The following DDOST variants were observed in gnomAD, a reference collection of about 807,000 sequenced individuals.
DDOST encodes the protein dolichyl-diphosphooligosaccharide--protein glycosyltransferase 48 kDa subunit.
Under a neutral mutation model 47.6 loss-of-function variants are expected in DDOST, and 25 were observed. The ratio of observed to expected loss-of-function variants is 0.53; its 90% confidence interval spans 0.38 to 0.73. DDOST has a LOEUF of 0.73. Ranked by LOEUF, DDOST falls within the 30% of genes least tolerant of loss-of-function variation. The pLI, the probability that DDOST is intolerant of heterozygous loss-of-function variation, is 0.00. For synonymous variants in DDOST, 275 were observed against 236.0 expected, an observed-to-expected ratio of 1.17 and a Z score of -1.51; for missense variants, 526 against 573.9, an observed-to-expected ratio of 0.92 and a Z score of 0.85.
intron 2 of DDOST, 94 bp from the exon 3 acceptor site, chr1:20,656,281 C>G (rs1393498501): frequency 3.2e-6 from 3 of 937,446 alleles, no homozygotes; most frequent in Non-Finnish European, 5.2e-6. Context: ...AGAGCAGCCA[C>G]GATCACTCAC....
At chr1:20,657,238 C>A (rs147954189) in intron 2 of DDOST, among the ~76,000 whole-genome samples, 25 of 152,314 alleles carry the variant, frequency 1.6e-4, no homozygotes, top group Non-Finnish European at 3.4e-4. Flanking sequence ...GGAGGTAAGG[C>A]CGGGTGAAGT....
chr1:20,659,479 T>C (rs567182916), intron 2 of DDOST, among the ~76,000 whole-genome samples: 12 of 152,248 alleles, frequency 7.9e-5, no homozygotes, highest in African/African-American at 2.9e-4. Flanking sequence ...AAAAAACTCC[T>C]CCAGGGCAGA....
rs776007343 is a variant in DDOST, at chr1:20,653,693, C to T, written c.876G>A (p.Gly292=). 6.2e-7 allele frequency: 1 copy of T among 1,614,040 alleles called. No homozygotes were observed. The highest frequency in any genetic ancestry group is 8.5e-7 in the Non-Finnish European group (1 of 1,179,932). Residue 292 remains glycine, a synonymous_variant, in exon 8 of 11, where the codon GGG becomes GGA. Coordinates refer to ENST00000602624, the MANE Select transcript of DDOST (RefSeq NM_005216.5). ...CGCCCACCCGATGATGGGACACAGG[C>T]CCCACACGGAGGACACCCTCCTCCT... ...VFKEEGVLRV[G]PVSHHRVGET... is the part of the protein sequence containing the mutation.
At position 20,661,328 on chromosome 1, in the gene DDOST, C is replaced by T. The variant is rs1462264880; in HGVS notation, c.23G>A (p.Arg8Gln). ...CAGCAACCAAAAGAGGGCCCAAGCCCGGGCCGCGGTGCTGGGCTCCATCTT... is the reference window on the plus strand; with the variant it reads ...CAGCAACCAAAAGAGGGCCCAAGCCTGGGCCGCGGTGCTGGGCTCCATCTT... MEPSTAA[R>Q]AWALFWLLLP... is the part of the protein sequence containing the mutation. The change falls in exon 1 of 11, where the codon CGG becomes CAG. Residue 8 changes from arginine to glutamine, a missense_variant. By Grantham distance (43) the Arg-to-Gln change is conservative (BLOSUM62 1). Coordinates refer to ENST00000602624, the MANE Select transcript of DDOST (RefSeq NM_005216.5). 6.2e-7 allele frequency: 1 copy of T among 1,613,432 alleles called. No individual in the cohort carries two copies. Among genetic ancestry groups the T allele is most frequent in the African/African-American group, 1.3e-5 (1 of 74,954 alleles).
chr1:20,653,983 A>C (rs2053332384), intron 7 of DDOST, among the ~76,000 whole-genome samples: 1 of 152,202 alleles, frequency 6.6e-6, no homozygotes, highest in Admixed American at 6.5e-5. Flanking sequence ...ACAAATACAC[A>C]AATTTCTAAA....
rs1216666868 is a variant in DDOST at position 20,652,743 on chromosome 1, C to T, written c.1064-16G>A. 9 of 1,613,956 alleles carry T rather than the reference C, an allele frequency of 5.6e-6. No individual in the cohort carries two copies. The highest frequency in any genetic ancestry group is 6.8e-6 in the Non-Finnish European group (8 of 1,179,914). The stretch of plus-strand genomic sequence containing the variant: ...TATTTGCCACCTGCGGAAGAACCAA[C>T]AAGAATAACCGGGAGGGGTTTCCCA... On this transcript the variant is annotated splice_polypyrimidine_tract_variant and intron_variant, in intron 9 of 10. Coordinates refer to ENST00000602624, the MANE Select transcript of DDOST (RefSeq NM_005216.5).
rs1426279243 is a variant in DDOST, at chr1:20,661,001, A to G, written c.155-10T>C. The G allele has an allele frequency of 6.3e-7, 1 of 1,599,504 alleles. No individual in the cohort carries two copies. Among genetic ancestry groups the G allele is most frequent in the African/African-American group, 1.3e-5 (1 of 74,584 alleles). ...AGCTCAAAGCCCCGGTCTGGACAAG[A>G]AAAAACAGGTAGTTGAGGAAGACGG... On this transcript the variant is annotated splice_polypyrimidine_tract_variant and intron_variant, in intron 1 of 10. Coordinates refer to ENST00000602624, the MANE Select transcript of DDOST (RefSeq NM_005216.5).
intron 2 of DDOST, among the ~76,000 whole-genome samples, chr1:20,658,082 T>A (rs2053394914): frequency 6.6e-6 from 1 of 152,196 alleles, no homozygotes; most frequent in Non-Finnish European, 1.5e-5. Context: ...GTTGAGAAAC[T>A]CTTGTAAAGC....
At chr1:20,653,585 T>C (rs2053324112) in intron 8 of DDOST, 42 bp downstream of exon 8, 1 of 1,533,610 alleles carries the variant, frequency 6.5e-7, no homozygotes, top group Admixed American at 2.0e-5. Context: ...CTCAGTCAGC[T>C]TGGCAAACCC....
Position 20,652,429 on chromosome 1 carries a change from T to A in DDOST, c.1270A>T (p.Ile424Phe). 1 of 1,613,894 alleles carries A rather than the reference T, an allele frequency of 6.2e-7. No individual in the cohort carries two copies. Among genetic ancestry groups the A allele is most frequent in the Non-Finnish European group, 8.5e-7 (1 of 1,179,970 alleles). The change falls in exon 11 of 11, where the codon ATC becomes TTC. Residue 424 changes from isoleucine to phenylalanine, a missense_variant. Physicochemically the swap from Ile to Phe is conservative, Grantham distance 21 (BLOSUM62 0). Transcript: ENST00000602624. ...ATGTGCAAGAAGACGATGCTGAAGATGAAGAGCCCCAGCATCATGGAGAAG... is the reference window on the plus strand; with the variant it reads ...ATGTGCAAGAAGACGATGCTGAAGAAGAAGAGCCCCAGCATCATGGAGAAG... Reference protein sequence around the residue: ...SAFSMMLGLFIFSIVFLHMKE... With the variant: ...SAFSMMLGLFFFSIVFLHMKE...
chr1:20,654,138 GCC>G (rs2053335075), intron 7 of DDOST, 83 bp downstream of exon 7: 7 of 1,455,902 alleles, frequency 4.8e-6, no homozygotes, highest in Non-Finnish European at 6.5e-6. Context: ...TTAGCTAAAA[GCC>G]TCCTTCTTCC....
rs556476999 is a variant in DDOST, at chr1:20,656,550, C to CGTGA, written c.266-364_266-363insTCAC. On this transcript the variant is annotated intron_variant, in intron 2 of 10. Transcript: ENST00000602624. ...TTCATCTCATCACCTGCACCTTTCACGCTAGTGATGCTGATCACTGGAGCC... is the reference window on the plus strand; with the variant it reads ...TTCATCTCATCACCTGCACCTTTCACGTGAGCTAGTGATGCTGATCACTGGAGCC... Among the ~76,000 whole-genome samples, 37 of 152,344 alleles carry CGTGA rather than the reference C, an allele frequency of 2.4e-4. No individual in the cohort carries two copies. The East Asian group carries it at 6.7e-3, about 28-fold the overall frequency.
intron 2 of DDOST, among the ~76,000 whole-genome samples, chr1:20,659,213 T>C (rs1192527161): frequency 6.6e-6 from 1 of 152,034 alleles, no homozygotes; most frequent in Non-Finnish European, 1.5e-5. Flanking sequence ...TAGGTAGTTA[T>C]TAGCACAGGA....
intron 4 of DDOST, 62 bp from the exon 5 acceptor site, chr1:20,655,596 T>A (rs1001022882): frequency 1.6e-5 from 26 of 1,591,614 alleles, no homozygotes; most frequent in Non-Finnish European, 2.2e-5. Flanking sequence ...AGGGAGAACC[T>A]CCTCACACCC....
At chr1:20,652,598 CAG>C (rs1370766958) in intron 10 of DDOST, 21 bp downstream of exon 10, 17 of 1,614,014 alleles carry the variant, frequency 1.1e-5, no homozygotes, top group Non-Finnish European at 1.4e-5. Flanking sequence ...TAGCTGAAAA[CAG>C]AAGCTGTCAC....
chr1:20,655,973 AACGGTTCCCTC>A (rs1190247483), intron 3 of DDOST, 117 bp downstream of exon 3: 2 of 882,654 alleles, frequency 2.3e-6, no homozygotes, highest in African/African-American at 3.3e-5. Flanking sequence ...GAACTGAGAA[AACGGTTCCCTC>A]ACTGACTCCC....
chr1:20,654,389 C>G lies in DDOST; in HGVS notation c.646-18G>C, dbSNP rs1357939264. The G allele has an allele frequency of 1.3e-6, 2 of 1,555,232 alleles. No homozygotes were observed. Among genetic ancestry groups the G allele is most frequent in the Non-Finnish European group, 1.7e-6 (2 of 1,148,532 alleles). On this transcript the variant is annotated intron_variant, in intron 6 of 10. Transcript: ENST00000602624. The stretch of plus-strand genomic sequence containing the variant: ...TGTGGATACTGGGAACAAAACGAGG[C>G]TGTGACCCAAGCAGTTCCAAGTAAG...
intron 2 of DDOST, among the ~76,000 whole-genome samples, chr1:20,657,991 C>CT (rs2053393513): frequency 9.6e-5 from 4 of 41,482 alleles, no homozygotes; most frequent in Admixed American, 4.0e-4. Context: ...GGGCAGAGGC[C>CT]CGGGTGCTGT....
chr1:20,656,955 C>T (rs1570416534), intron 2 of DDOST, among the ~76,000 whole-genome samples: 1 of 152,336 alleles, frequency 6.6e-6, no homozygotes, highest in East Asian at 1.9e-4. Context: ...GAAGACAGTG[C>T]TCAGTAATCC....
Sources: allele counts gnomAD v4.1 joint callset (sites outside exome capture counted in the v4.1 genomes callset), GRCh38; gene constraint gnomAD v4.1.1; transcripts MANE v1.5; gene names NCBI Gene and HGNC (gene_info 2026-07-23, HGNC 2026-07-21).